MCRS1: variants seen among roughly 807,000 people sequenced by gnomAD.
MCRS1 encodes the protein 58 kDa microspherule protein.
MCRS1 carries 22 observed loss-of-function variants against 62.9 expected under a neutral mutation model. The observed-to-expected ratio is 0.35, with a 90% CI of 0.25 to 0.50. The LOEUF (loss-of-function observed/expected upper bound fraction) is 0.50. MCRS1 is among the 20% of genes least tolerant of loss of function. The probability of loss-of-function intolerance (pLI) is 0.98; values close to 1 mark genes in which losing one functional copy is unlikely to be tolerated. For synonymous variants in MCRS1, 244 were observed against 233.5 expected, an observed-to-expected ratio of 1.04 and a Z score of -0.41; for missense variants, 456 against 601.1, an observed-to-expected ratio of 0.76 and a Z score of 2.52.
At position 49,558,934 on chromosome 12, in the gene MCRS1, A is replaced by G. The variant is rs745897372; in HGVS notation, c.1211T>C (p.Ile404Thr). 6.2e-7 allele frequency: 1 copy of G among 1,612,830 alleles called. No individual in the cohort carries two copies. The highest frequency in any genetic ancestry group is 1.7e-5 in the Admixed American group (1 of 60,012). Residue 404 changes from isoleucine (I) to threonine (T), a missense_variant, in exon 14 of 15, where the codon ATT becomes ACT. By Grantham distance (89) the Ile-to-Thr change is moderately conservative (BLOSUM62 -1). Transcript: ENST00000343810. ...IKLKNNGDFF[I>T]ANEGRRPIYI... Reference sequence around the variant, plus strand: ...GATGGGCCGTCGACCCTCATTGGCAATGAAGAAATCACCGTTGTTCTTCAG... The same window carrying G: ...GATGGGCCGTCGACCCTCATTGGCAGTGAAGAAATCACCGTTGTTCTTCAG...
Position 49,559,936 on chromosome 12 carries a change from T to TA in MCRS1, c.910+2dup. 1.2e-6 allele frequency: 2 copies of TA among 1,614,180 alleles called. No homozygotes were observed. Among genetic ancestry groups the TA allele is most frequent in the Non-Finnish European group, 1.7e-6 (2 of 1,180,024 alleles). ...CCTCACCACCCCATGAGGCCATACTTACCATGTTCCAGGACCTCATCTCGC... is the reference window on the plus strand; with the variant it reads ...CCTCACCACCCCATGAGGCCATACTTAACCATGTTCCAGGACCTCATCTCGC... On this transcript the variant is annotated splice_region_variant and intron_variant, in intron 10 of 14. Transcript: ENST00000343810. This position sits in a 1 kb window ranked among gnomAD's most constrained non-coding sequence, Gnocchi z 5.2.
chr12:49,560,520 C>T, intron 8 of MCRS1, 150 bp from the exon 9 acceptor site: 2 of 688,360 alleles, frequency 2.9e-6, no homozygotes, highest in Non-Finnish European at 5.3e-6. Context: ...AGGCTGGGCT[C>T]TAATTTGGCA....
intron 3 of MCRS1, 49 bp from the exon 4 acceptor site, chr12:49,565,716 C>G (rs1395081192): frequency 2.5e-6 from 4 of 1,613,108 alleles, no homozygotes; most frequent in Non-Finnish European, 3.4e-6. Context: ...CCCTGGTACC[C>G]ATTCACACAC....
chr12:49,563,580 A>G, intron 6 of MCRS1, 34 bp from the exon 7 acceptor site: 2 of 1,534,642 alleles, frequency 1.3e-6, no homozygotes, highest in Non-Finnish European at 1.8e-6. Flanking sequence ...GGAGGGGTGA[A>G]GGAAAGGTGT....
chr12:49,566,023 A>C, intron 3 of MCRS1, 54 bp downstream of exon 3: 1 of 1,572,658 alleles, frequency 6.4e-7, no homozygotes. Flanking sequence ...GTGGCACTTA[A>C]CGCCACAGAC....
At chr12:49,567,359 A>G (rs1939116866) in intron 1 of MCRS1, among the ~76,000 whole-genome samples, 1 of 151,480 alleles carries the variant, frequency 6.6e-6, no homozygotes, top group Non-Finnish European at 1.5e-5. Flanking sequence ...ATGAGATACC[A>G]TCTCGTGGAA....
At chr12:49,566,539 G>T in intron 2 of MCRS1, 183 bp downstream of exon 2, 1 of 1,493,668 alleles carries the variant, frequency 6.7e-7, no homozygotes, top group African/African-American at 1.4e-5. Flanking sequence ...CCGTGCTAAA[G>T]AGCAGCAGCT....
chr12:49,562,007 T>C (rs1014571883), intron 8 of MCRS1, among the ~76,000 whole-genome samples: 1 of 152,140 alleles, frequency 6.6e-6, no homozygotes. Flanking sequence ...GGGAATTCTG[T>C]GATATCTGAG....
At chr12:49,565,828 C>T (rs1458989885) in intron 3 of MCRS1, 161 bp from the exon 4 acceptor site, 9 of 1,153,702 alleles carry the variant, frequency 7.8e-6, no homozygotes, top group Non-Finnish European at 1.1e-5. Context: ...AACTGCTACA[C>T]TCCAGCCCTC....
At chr12:49,560,692 G>A (rs932669337) in intron 8 of MCRS1, among the ~76,000 whole-genome samples, 2 of 152,194 alleles carry the variant, frequency 1.3e-5, no homozygotes, top group African/African-American at 4.8e-5. Flanking sequence ...TTACAGATGA[G>A]GAAACAGACA....
rs1938624971 is a variant in MCRS1 at position 49,559,331 on chromosome 12, A to T, written c.1087-30T>A. On this transcript the variant is annotated intron_variant, in intron 12 of 14. Transcript: ENST00000343810. The surrounding 1 kb of genome is among the most constrained non-coding windows in gnomAD (Gnocchi z 5.2). ...GGAAATGGGGCAGGTGAGGGCTGGG[A>T]CCTGAAGAATTGGGGGAGTAGGTCT... 1 of 1,611,018 alleles carries T rather than the reference A, an allele frequency of 6.2e-7. No individual in the cohort carries two copies. The highest frequency in any genetic ancestry group is 1.3e-5 in the African/African-American group (1 of 74,856).
Position 49,564,882 on chromosome 12 carries a change from G to C in MCRS1, c.302C>G (p.Pro101Arg). 1.2e-6 allele frequency: 2 copies of C among 1,600,242 alleles called. No homozygotes were observed. Among genetic ancestry groups the C allele is most frequent in the Non-Finnish European group, 1.7e-6 (2 of 1,172,696 alleles). The change falls in exon 5 of 15, where the codon CCC becomes CGC. Residue 101 changes from proline to arginine, a missense_variant. This residue lies in a region of MCRS1 where 393 missense variants were observed against 523.5 expected (regional missense o/e 0.75). Transcript: ENST00000343810. ...TGGGCTGGGTGGCACAGGAGTGCTG[G>C]GGGCTTTGGATACCTGGGCAGAGGA... ...SSEKKKVSKAPSTPVPPSPAP... is the reference protein window; with the variant it reads ...SSEKKKVSKARSTPVPPSPAP...
Position 49,558,844 on chromosome 12 carries a change from T to A in MCRS1, c.1301A>T (p.Glu434Val), listed in dbSNP as rs1726603141. 1 of 1,612,972 alleles carries A rather than the reference T, an allele frequency of 6.2e-7. No homozygotes were observed. The highest frequency in any genetic ancestry group is 1.3e-5 in the African/African-American group (1 of 74,876). The change falls in exon 14 of 15, where the codon GAG (glutamate) becomes GTG (valine). Residue 434 changes from glutamate to valine, a missense_variant and splice_region_variant. By Grantham distance (121) the Glu-to-Val change is moderately radical. Transcript: ENST00000343810. ...KWRLSNNSVV[E>V]IASLRFVFLI... The stretch of plus-strand genomic sequence containing the variant: ...CTTCCTGCCTCCTCCCCAGCTCACC[T>A]CCACCACAGAGTTGTTGCTGAGGCG...
At chr12:49,562,158 T>C (rs1938801909) in intron 8 of MCRS1, among the ~76,000 whole-genome samples, 1 of 152,206 alleles carries the variant, frequency 6.6e-6, no homozygotes, top group Admixed American at 6.5e-5. Flanking sequence ...GGAATCCTTT[T>C]TCCTAAGCAG....
chr12:49,566,198 C>A lies in MCRS1; in HGVS notation c.28G>T (p.Asp10Tyr), dbSNP rs769106306. The change falls in exon 3 of 15, where the codon GAT becomes TAT. Residue 10 changes from aspartate to tyrosine, a missense_variant. Coordinates refer to ENST00000343810, the MANE Select transcript of MCRS1 (RefSeq NM_006337.5). ...GTGCCTGATGCCATCAGGGATGAAT[C>A]TAGCAGCCCCTGAGAATCTAGCAAG... MDKDSQGLLDSSLMASGTAS... is the reference protein window; with the variant it reads MDKDSQGLLYSSLMASGTAS... The A allele has an allele frequency of 6.2e-7, 1 of 1,613,444 alleles. No homozygotes were observed. Among genetic ancestry groups the A allele is most frequent in the East Asian group, 2.2e-5 (1 of 44,874 alleles).
In MCRS1 at chr12:49,558,636, C is replaced by T. The variant is rs1938577133; in HGVS notation, c.*7G>A. On this transcript the variant is annotated 3_prime_UTR_variant, in exon 15 of 15. Transcript: ENST00000343810. Reference sequence around the variant, plus strand: ...CGGAGAGGGCCCACGAGTCCTGCCACCACTCCTCACTGTGGTGTGATCTTG... The same window carrying T: ...CGGAGAGGGCCCACGAGTCCTGCCATCACTCCTCACTGTGGTGTGATCTTG... The T allele has an allele frequency of 1.2e-6, 2 of 1,612,056 alleles. No homozygotes were observed. Among genetic ancestry groups the T allele is most frequent in the African/African-American group, 2.7e-5 (2 of 74,898 alleles).
intron 2 of MCRS1, 159 bp from the exon 3 acceptor site, chr12:49,566,374 C>A: frequency 6.4e-7 from 1 of 1,570,592 alleles, no homozygotes; most frequent in Non-Finnish European, 8.6e-7. Flanking sequence ...CCATCCAGAT[C>A]CCATCTGGGC....
At chr12:49,566,012 T>A in intron 3 of MCRS1, 65 bp downstream of exon 3, 2 of 1,562,806 alleles carry the variant, frequency 1.3e-6, no homozygotes, top group Non-Finnish European at 1.7e-6. Flanking sequence ...TGGGGAGGCA[T>A]GTGGCACTTA....
Position 49,559,535 on chromosome 12 carries a change from C to T in MCRS1, c.1004G>A (p.Gly335Asp), listed in dbSNP as rs1487633622. Residue 335 changes from glycine (G) to aspartate (D), a missense_variant and splice_region_variant, in exon 12 of 15, where the codon GGC becomes GAC. Transcript: ENST00000343810. This position sits in a 1 kb window ranked among gnomAD's most constrained non-coding sequence, Gnocchi z 5.2. ...KWQVLVDSIT[G>D]MSSPDFDNQT... ...GTTGTCGAAGTCCGGAGAGCTCATGCCTGGGAGAAGAGGGAGTTTGGAAGA... is the reference window on the plus strand; with the variant it reads ...GTTGTCGAAGTCCGGAGAGCTCATGTCTGGGAGAAGAGGGAGTTTGGAAGA... 3.7e-6 allele frequency: 6 copies of T among 1,609,694 alleles called. No individual in the cohort carries two copies. The highest frequency in any genetic ancestry group is 5.1e-6 in the Non-Finnish European group (6 of 1,180,022).
Sources: gnomAD v4.1 joint callset for allele counts (sites outside exome capture counted in the v4.1 genomes callset) on GRCh38, gnomAD v4.1.1 for gene constraint, gnomAD v4.1.1 regional missense constraint, Gnocchi (gnomAD v3.1) non-coding constraint, MANE v1.5 for transcripts, NCBI Gene and HGNC (gene_info 2026-07-23, HGNC 2026-07-21) for gene names.